The following KLF9 variants were observed in gnomAD, a reference collection of about 807,000 sequenced individuals.
KLF9 encodes the protein Krueppel-like factor 9.
A neutral mutation model predicts 17.3 loss-of-function variants in KLF9; 2 were observed. That is an observed-to-expected ratio of 0.12 (90% CI 0.05 to 0.36). KLF9 has a LOEUF of 0.36. Ranked by LOEUF, KLF9 falls within the 10% of genes least tolerant of loss-of-function variation. The pLI is 1.00. For synonymous variants in KLF9, 138 were observed against 139.2 expected (o/e 0.99, Z 0.06); for missense variants, 226 against 333.2 (o/e 0.68, Z 2.51).
intron 1 of KLF9, among the ~76,000 whole-genome samples, chr9:70,391,579 C>T (rs762427005): frequency 3.3e-5 from 5 of 152,132 alleles, no homozygotes; most frequent in African/African-American, 4.8e-5. Flanking sequence ...ACCATTTTTA[C>T]GCATTTAAAA....
Position 70,387,307 on chromosome 9 carries a change from G to T in KLF9, c.*469C>A, listed in dbSNP as rs936580755. 3.7e-5 allele frequency: 6 copies of T among 160,616 alleles called. No individual in the cohort carries two copies. Among genetic ancestry groups the T allele is most frequent in the African/African-American group, 1.4e-4 (6 of 41,404 alleles). 9.9% of individuals were successfully genotyped at this position (160,616 alleles called of 1,614,324 possible). A position where few individuals can be genotyped will look rare whatever the true frequency, so the allele number is the denominator to read the frequency against. ...AAAAGGTAAGAAAACAATTCTGAGA[G>T]ACAGCAAGCATAAAGGGCCCAGAAT... On this transcript the variant is annotated 3_prime_UTR_variant, in exon 2 of 2. Coordinates refer to ENST00000377126, the MANE Select transcript of KLF9 (RefSeq NM_001206.4).
chr9:70,409,092 GTATATATATGTGTA>G (rs2037284740), intron 1 of KLF9, among the ~76,000 whole-genome samples: 1 of 86,032 alleles, frequency 1.2e-5, no homozygotes, highest in Non-Finnish European at 2.6e-5. Context: ...ACACATATAT[GTATATATATGTGTA>G]TATATATACA....
intron 1 of KLF9, among the ~76,000 whole-genome samples, chr9:70,392,735 G>A (rs2037160399): frequency 1.3e-5 from 2 of 152,170 alleles, no homozygotes; most frequent in Admixed American, 1.3e-4. Context: ...GGGAAACCAA[G>A]TCAGGCCCTC....
chr9:70,406,911 A>G (rs958019109), intron 1 of KLF9, among the ~76,000 whole-genome samples: 6 of 151,844 alleles, frequency 4.0e-5, no homozygotes, highest in Admixed American at 1.3e-4. Flanking sequence ...AAAAAAAAAA[A>G]AGAACACGGA....
chr9:70,384,943 CA>C lies in KLF9; in HGVS notation c.*2832del, dbSNP rs1301613694. On this transcript the variant is annotated 3_prime_UTR_variant, in exon 2 of 2. Coordinates refer to ENST00000377126, the MANE Select transcript of KLF9 (RefSeq NM_001206.4). ...ATGATGTGGAGCTAAACCTTAAAGC[CA>C]GGGCATCATTCCACAATGGTGAAGG... 6.6e-6 allele frequency: 1 copy of C among 152,412 alleles called. No homozygotes were observed. 9.4% of individuals were successfully genotyped at this position (152,412 alleles called of 1,614,324 possible).
chr9:70,390,462 A>C (rs2037146567), intron 1 of KLF9, among the ~76,000 whole-genome samples: 1 of 152,190 alleles, frequency 6.6e-6, no homozygotes, highest in African/African-American at 2.4e-5. Context: ...CACTTCTGCA[A>C]CTTCCATTAG....
At chr9:70,401,686 C>CAAAAAAA (rs34988097) in intron 1 of KLF9, among the ~76,000 whole-genome samples, 9 of 66,330 alleles carry the variant, frequency 1.4e-4, no homozygotes, top group East Asian at 4.4e-4. Context: ...GACTCCTTCA[C>CAAAAAAA]AAAAAAAAAA....
chr9:70,408,845 A>T (rs10283593), intron 1 of KLF9, among the ~76,000 whole-genome samples: 3 of 150,870 alleles, frequency 2.0e-5, no homozygotes, highest in African/African-American at 7.3e-5. Context: ...CTTCTACTAC[A>T]GAGGCTATCC....
intron 1 of KLF9, 30 bp from the exon 2 acceptor site, chr9:70,388,035 C>A: frequency 1.3e-6 from 2 of 1,573,720 alleles, no homozygotes; most frequent in Admixed American, 1.8e-5. Flanking sequence ...AAGGATACAG[C>A]TCAAAGAACA....
In KLF9 at chr9:70,387,497, A is replaced by G. The variant is rs993758594; in HGVS notation, c.*279T>C. On this transcript the variant is annotated 3_prime_UTR_variant, in exon 2 of 2. Transcript: ENST00000377126. ...AGAAAAAAAAACAAAAACAAAAACC[A>G]AAAAACCCAAAAGCATTTGCCTTCC... 3 of 254,916 alleles carry G rather than the reference A, an allele frequency of 1.2e-5. No individual in the cohort carries two copies. The highest frequency in any genetic ancestry group is 6.7e-5 in the African/African-American group (3 of 44,704). 15.8% of individuals were successfully genotyped at this position (254,916 alleles called of 1,614,324 possible).
rs117964200 is a variant in KLF9 at position 70,391,246 on chromosome 9, G to A, written c.506-3241C>T. On this transcript the variant is annotated intron_variant, in intron 1 of 1. Coordinates refer to ENST00000377126, the MANE Select transcript of KLF9 (RefSeq NM_001206.4). ...AAGATGGCTTTCTAGAAGTGACCAT[G>A]GAAAACTGGCATGAAGCCATCAGAA... Among the ~76,000 whole-genome samples, 30 of 152,288 alleles carry A rather than the reference G, an allele frequency of 2.0e-4. No individual in the cohort carries two copies. The East Asian group carries it at 5.6e-3, about 28-fold the overall frequency.
rs2037097181 is a variant in KLF9, at chr9:70,384,630, C to T, written c.*3146G>A. 6.6e-6 allele frequency: 1 copy of T among 152,560 alleles called. No homozygotes were observed. Among genetic ancestry groups the T allele is most frequent in the Non-Finnish European group, 1.5e-5 (1 of 68,012 alleles). The allele number at this position is 152,560 out of a possible 1,614,324, so 9.5% of individuals were successfully genotyped here. Reference sequence around the variant, plus strand: ...TTATCATTTATTATTTTTATTTGGACAACATATATACATATGTACAAAATA... The same window carrying T: ...TTATCATTTATTATTTTTATTTGGATAACATATATACATATGTACAAAATA... On this transcript the variant is annotated 3_prime_UTR_variant, in exon 2 of 2. Transcript: ENST00000377126.
intron 1 of KLF9, among the ~76,000 whole-genome samples, chr9:70,412,517 C>T (rs1289285897): frequency 6.6e-6 from 1 of 151,890 alleles, no homozygotes; most frequent in Non-Finnish European, 1.5e-5. Flanking sequence ...CCGCTGCCAG[C>T]GTCTCCCAGG....
Position 70,386,708 on chromosome 9 carries a change from A to G in KLF9, c.*1068T>C, listed in dbSNP as rs753998954. The G allele has an allele frequency of 6.6e-6, 1 of 152,554 alleles. No individual in the cohort carries two copies. The highest frequency in any genetic ancestry group is 1.5e-5 in the Non-Finnish European group (1 of 68,046). 9.5% of individuals were successfully genotyped at this position (152,554 alleles called of 1,614,324 possible). A position where few individuals can be genotyped will look rare whatever the true frequency, so the allele number is the denominator to read the frequency against. On this transcript the variant is annotated 3_prime_UTR_variant, in exon 2 of 2. Coordinates refer to ENST00000377126, the MANE Select transcript of KLF9 (RefSeq NM_001206.4). ...CTCTCTCCCCTAGTGGCATTAGGAT[A>G]CAATAATGATGTTAACTAAAAGCAT... is the stretch of plus-strand genomic sequence containing the variant.
At chr9:70,411,292 G>C (rs1047929714) in intron 1 of KLF9, among the ~76,000 whole-genome samples, 1 of 152,138 alleles carries the variant, frequency 6.6e-6, no homozygotes, top group Non-Finnish European at 1.5e-5. Flanking sequence ...GGTGTCGATG[G>C]GAACAACTGA....
chr9:70,394,624 G>T (rs1040796725), intron 1 of KLF9, among the ~76,000 whole-genome samples: 6 of 151,986 alleles, frequency 3.9e-5, no homozygotes, highest in Admixed American at 1.3e-4. Flanking sequence ...AGAAGGGGGG[G>T]TTATAAAATA....
At chr9:70,390,182 G>A (rs561489925) in intron 1 of KLF9, among the ~76,000 whole-genome samples, 2 of 152,278 alleles carry the variant, frequency 1.3e-5, no homozygotes, top group East Asian at 3.9e-4. Context: ...CCTGTACAAC[G>A]TACTTTTCGA....
intron 1 of KLF9, among the ~76,000 whole-genome samples, chr9:70,398,872 GTCTTGC>G (rs1274395527): frequency 1.3e-5 from 2 of 152,056 alleles, no homozygotes; most frequent in Non-Finnish European, 2.9e-5. Flanking sequence ...GTGAGGCAAG[GTCTTGC>G]TCTGTCACCC....
chr9:70,402,350 A>ATTACAGTGT (rs1321022621), intron 1 of KLF9, among the ~76,000 whole-genome samples: 1 of 152,194 alleles, frequency 6.6e-6, no homozygotes, highest in African/African-American at 2.4e-5. Context: ...CTTATGATTT[A>ATTACAGTGT]TTACAGTGTT....
Sources: allele counts gnomAD v4.1 joint callset (sites outside exome capture counted in the v4.1 genomes callset), GRCh38; gene constraint gnomAD v4.1.1; transcripts MANE v1.5; gene names NCBI Gene and HGNC (gene_info 2026-07-23, HGNC 2026-07-21).